The following PRKCE variants were observed in gnomAD, a reference collection of about 807,000 sequenced individuals.
PRKCE encodes the protein protein kinase C epsilon.
In PRKCE, 16 loss-of-function variants were observed where a neutral mutation model predicts 85.4. That is an observed-to-expected ratio of 0.19 (90% CI 0.13 to 0.28). The LOEUF is 0.28. Among genes scored for constraint, PRKCE ranks in the 10% least tolerant of loss-of-function variants. The pLI is 1.00. For synonymous variants in PRKCE, 388 were observed against 371.5 expected (o/e 1.04, Z -0.51); for missense variants, 573 against 975.2 (o/e 0.59, Z 5.49).
At chr2:46,061,049 A>G (rs1248413584) in intron 10 of PRKCE, among the ~76,000 whole-genome samples, 8 of 150,862 alleles carry the variant, frequency 5.3e-5, no homozygotes, top group Non-Finnish European at 1.0e-4. Context: ...GGAGTGAGCA[A>G]CTGCGTCCGG....
Position 46,159,914 on chromosome 2 carries a change from C to T in PRKCE, c.2067+162C>T. ...CTCTCCCTAAGACAATGTCTTTAGGCCCCAAGTGTTTACTATTGAAAACAT... is the reference window on the plus strand; with the variant it reads ...CTCTCCCTAAGACAATGTCTTTAGGTCCCAAGTGTTTACTATTGAAAACAT... On this transcript the variant is annotated intron_variant, in intron 14 of 14. Transcript: ENST00000306156. This position sits in a 1 kb window ranked among gnomAD's most constrained non-coding sequence, Gnocchi z 4.1. 1.2e-6 allele frequency: 1 copy of T among 805,864 alleles called. No individual in the cohort carries two copies. The highest frequency in any genetic ancestry group is 3.6e-4 in the Middle Eastern group (1 of 2,754). 49.9% of individuals were successfully genotyped at this position (805,864 alleles called of 1,614,324 possible).
chr2:45,722,035 T>G (rs1680668955), intron 1 of PRKCE, among the ~76,000 whole-genome samples: 1 of 152,028 alleles, frequency 6.6e-6, no homozygotes, highest in Non-Finnish European at 1.5e-5. Context: ...TCTGTTTATT[T>G]GGGGTACACC....
At chr2:45,696,949 G>C (rs1411712439) in intron 1 of PRKCE, among the ~76,000 whole-genome samples, 1 of 152,156 alleles carries the variant, frequency 6.6e-6, no homozygotes, top group African/African-American at 2.4e-5. Context: ...TTTCCTCCCA[G>C]GGCCCCACAC....
chr2:45,862,183 T>TAC (rs6146747), intron 2 of PRKCE, among the ~76,000 whole-genome samples: 12,245 of 143,852 alleles, frequency 0.085, 690 homozygotes, highest in African/African-American at 0.18. Context: ...TCTTCTTGTA[T>TAC]ACACACACAC....
Position 46,184,210 on chromosome 2 carries a change from G to A in PRKCE, c.2068-525G>A, listed in dbSNP as rs546992876. Among the ~76,000 whole-genome samples, 1 of 152,176 alleles carries A rather than the reference G, an allele frequency of 6.6e-6. No individual in the cohort carries two copies. The highest frequency in any genetic ancestry group is 2.4e-5 in the African/African-American group (1 of 41,434). On this transcript the variant is annotated intron_variant, in intron 14 of 14. Transcript: ENST00000306156. This position sits in a 1 kb window ranked among gnomAD's most constrained non-coding sequence, Gnocchi z 5.0. ...GTTTAATAATTGAAAAAATACTGGA[G>A]CACAAAATTGGGTTCGTGGTGAGAG...
At chr2:45,818,206 T>C (rs72801904) in intron 1 of PRKCE, among the ~76,000 whole-genome samples, 7,838 of 152,328 alleles carry the variant, frequency 0.051, 255 homozygotes, top group South Asian at 0.11. Context: ...TTTTTGGCAT[T>C]CACAAGACAT....
chr2:45,745,699 T>C (rs974378065), intron 1 of PRKCE, among the ~76,000 whole-genome samples: 1 of 152,178 alleles, frequency 6.6e-6, no homozygotes, highest in African/African-American at 2.4e-5. Flanking sequence ...AGTTGGGCCC[T>C]GACTAGCCTA....
At chr2:45,958,808 ATATATATATTTTTTTTTTTTTTTT>A (rs1701167914) in intron 2 of PRKCE, among the ~76,000 whole-genome samples, 1 of 23,814 alleles carries the variant, frequency 4.2e-5, no homozygotes, top group Non-Finnish European at 7.2e-5. Context: ...ATATATATAT[ATATATATATTTTTTTTTTTTTTTT>A]TTTTTTTTTT....
chr2:45,792,557 GC>G (rs1687114668), intron 1 of PRKCE, among the ~76,000 whole-genome samples: 1 of 152,064 alleles, frequency 6.6e-6, no homozygotes, highest in African/African-American at 2.4e-5. Context: ...CAGGAGAGAT[GC>G]TGGCCGAGGG....
chr2:46,060,901 G>A (rs752385348), intron 10 of PRKCE, among the ~76,000 whole-genome samples: 6 of 150,402 alleles, frequency 4.0e-5, no homozygotes, highest in Admixed American at 6.6e-5. Context: ...AGCTGGGACC[G>A]CAGGCGCACG....
chr2:45,856,603 T>C (rs1692699312), intron 2 of PRKCE, among the ~76,000 whole-genome samples: 1 of 152,204 alleles, frequency 6.6e-6, no homozygotes, highest in Non-Finnish European at 1.5e-5. Flanking sequence ...CGACACATTG[T>C]TATTTGCTGT....
intron 11 of PRKCE, among the ~76,000 whole-genome samples, chr2:46,114,896 A>G (rs1043001325): frequency 1.3e-5 from 2 of 152,316 alleles, no homozygotes; most frequent in Non-Finnish European, 1.5e-5. Context: ...CAAGATTTAG[A>G]GAAAAATATT....
chr2:45,840,451 T>G (rs1232199173), intron 1 of PRKCE: 8 of 152,190 alleles, frequency 5.3e-5, no homozygotes, highest in African/African-American at 1.7e-4. Context: ...CTTAAAATCA[T>G]GGACTCTTGG....
At chr2:45,663,512 G>T (rs1279116417) in intron 1 of PRKCE, among the ~76,000 whole-genome samples, 1 of 152,122 alleles carries the variant, frequency 6.6e-6, no homozygotes, top group Admixed American at 6.6e-5. Context: ...GAAAATGTTG[G>T]ACAGCTCACG....
At chr2:45,970,641 C>G (rs998323536) in intron 2 of PRKCE, among the ~76,000 whole-genome samples, 3 of 152,030 alleles carry the variant, frequency 2.0e-5, no homozygotes, top group Admixed American at 2.0e-4. Flanking sequence ...TCAGAAACTA[C>G]AAAGGAAACT....
intron 10 of PRKCE, among the ~76,000 whole-genome samples, chr2:46,083,356 T>C (rs1669284012): frequency 6.6e-6 from 1 of 152,192 alleles, no homozygotes; most frequent in Non-Finnish European, 1.5e-5. Context: ...AAGGCCTCTT[T>C]CTCATCCCAC....
chr2:45,824,364 A>G (rs1408233511), intron 1 of PRKCE, among the ~76,000 whole-genome samples: 1 of 152,156 alleles, frequency 6.6e-6, no homozygotes, highest in African/African-American at 2.4e-5. Context: ...TGAACAAAAC[A>G]TTAAAAGCAC....
In PRKCE at chr2:45,835,833, G is replaced by A. The variant is rs1246202238; in HGVS notation, c.349-7167G>A. ...TGGTCTTGAACTCCTGGCTTGAAGC[G>A]ATCCTCCTGCCTCAGCTTCCCAAAG... On this transcript the variant is annotated intron_variant, in intron 1 of 14. Transcript: ENST00000306156. Among the ~76,000 whole-genome samples the A allele has an allele frequency of 3.9e-5, 6 of 152,010 alleles. No individual in the cohort carries two copies. The East Asian group carries it at 7.7e-4, about 20-fold the overall frequency.
chr2:46,179,689 G>A (rs568777857), intron 14 of PRKCE, among the ~76,000 whole-genome samples: 1 of 152,150 alleles, frequency 6.6e-6, no homozygotes, highest in African/African-American at 2.4e-5. Flanking sequence ...TTTCTATCTT[G>A]TGTCAGCAAT....
Sources: gnomAD v4.1 joint callset for allele counts (sites outside exome capture counted in the v4.1 genomes callset) on GRCh38, gnomAD v4.1.1 for gene constraint, Gnocchi (gnomAD v3.1) non-coding constraint, MANE v1.5 for transcripts, NCBI Gene and HGNC (gene_info 2026-07-23, HGNC 2026-07-21) for gene names.